Variants in NCR1 observed in about 807,000 individuals in gnomAD.
NCR1 encodes natural cytotoxicity triggering receptor 1, also known as NK cell-activating receptor.
NCR1 carries 30 observed loss-of-function variants against 32.5 expected under a neutral mutation model. The ratio of observed to expected loss-of-function variants is 0.92; its 90% CI spans 0.69 to 1.25. The LOEUF is 1.25. NCR1 is among the 50% of genes most tolerant of loss of function. The pLI is 0.00. For missense variants in NCR1, 369 were observed against 380.7 expected, an observed-to-expected ratio of 0.97 and a Z score of 0.26; for synonymous variants, 169 against 143.4, an observed-to-expected ratio of 1.18 and a Z score of -1.28.
At chr19:54,937,963 C>T in the NCR1 span, 3 of 988,300 alleles carry the variant, frequency 3.0e-6, no homozygotes, top group East Asian at 2.4e-5. Context: ...TGAAACAGCA[C>T]ATTTCCAAAT....
downstream of NCR1, among the ~76,000 whole-genome samples, chr19:54,916,317 C>CTTTTTTTTTTTTTTT (rs71181711): frequency 2.0e-4 from 17 of 87,106 alleles, 2 homozygotes; most frequent in East Asian, 2.8e-4. Flanking sequence ...GAATATTGTG[C>CTTTTTTTTTTTTTTT]TTTTTTTTTT....
At chr19:54,937,663 C>T in the NCR1 span, among the ~76,000 whole-genome samples, 4 of 151,916 alleles carry the variant, frequency 2.6e-5, no homozygotes, top group Non-Finnish European at 4.4e-5. Context: ...TTTGGAAGGC[C>T]GAGGCAGGCA....
the NCR1 span, chr19:54,927,884 G>A: frequency 1.1e-6 from 1 of 926,582 alleles, no homozygotes; most frequent in South Asian, 1.3e-5. Context: ...TTGAGGCCAG[G>A]TGTTCGAGAC....
upstream of NCR1, among the ~76,000 whole-genome samples, chr19:54,902,036 T>C (rs2067310399): frequency 6.6e-6 from 1 of 152,202 alleles, no homozygotes; most frequent in Admixed American, 6.5e-5. Context: ...CAAATATATG[T>C]CACTGGTAAA....
At chr19:54,912,300 C>G (rs1009856098) in intron 6 of NCR1, 82 bp downstream of exon 6, 5 of 1,400,120 alleles carry the variant, frequency 3.6e-6, no homozygotes, top group South Asian at 1.2e-5. Context: ...TAAATGGGAA[C>G]AAGAGGGTGT....
At chr19:54,905,732 A>C (rs764271850), upstream of NCR1, among the ~76,000 whole-genome samples, 4 of 152,118 alleles carry the variant, frequency 2.6e-5, no homozygotes, top group Non-Finnish European at 4.4e-5. Context: ...CTCGGGGGGA[A>C]CTGGGTTTTC....
At chr19:54,915,479 A>G (rs146056638), downstream of NCR1, among the ~76,000 whole-genome samples, 1,557 of 152,164 alleles carry the variant, frequency 0.01, 29 homozygotes, top group African/African-American at 0.036. Context: ...GTAAAACCCC[A>G]TCTCTACTAA....
the NCR1 span, among the ~76,000 whole-genome samples, chr19:54,937,445 A>G: frequency 6.6e-6 from 1 of 151,618 alleles, no homozygotes; most frequent in African/African-American, 2.4e-5. Flanking sequence ...TAATCCCAGC[A>G]CTTTCGAAGA....
At chr19:54,913,248 G>A (rs570600912), downstream of NCR1, 33 of 160,036 alleles carry the variant, frequency 2.1e-4, no homozygotes, top group Non-Finnish European at 3.3e-4. Flanking sequence ...TAGTGGAGAC[G>A]GGGTTTCTCC....
chr19:54,910,735 A>G (rs587668215), intron 5 of NCR1, among the ~76,000 whole-genome samples: 1 of 152,314 alleles, frequency 6.6e-6, no homozygotes, highest in Non-Finnish European at 1.5e-5. Context: ...GATAGCACAC[A>G]GGAGGGAATG....
Position 54,910,011 on chromosome 19 carries a change from T to C in NCR1, c.635-7T>C. On this transcript the variant is annotated splice_region_variant and splice_polypyrimidine_tract_variant and intron_variant, in intron 4 of 6. Transcript: ENST00000291890. ...CCTTACTTTTTTTTCTTTATCTCCTTTTCCAGGCGACATTGAGAACACCAG... is the reference window on the plus strand; with the variant it reads ...CCTTACTTTTTTTTCTTTATCTCCTCTTCCAGGCGACATTGAGAACACCAG... 1 of 1,613,124 alleles carries C rather than the reference T, an allele frequency of 6.2e-7. No homozygotes were observed. The highest frequency in any genetic ancestry group is 8.5e-7 in the Non-Finnish European group (1 of 1,179,664).
downstream of NCR1, among the ~76,000 whole-genome samples, chr19:54,918,980 C>CT (rs1421627685): frequency 8.0e-6 from 1 of 125,302 alleles, no homozygotes; most frequent in Non-Finnish European, 1.6e-5. Context: ...GCAAAACTGT[C>CT]TTAAAAAAAA....
At chr19:54,903,378 GTATGTATATACATA>G (rs1556716480), upstream of NCR1, among the ~76,000 whole-genome samples, 2 of 122,724 alleles carry the variant, frequency 1.6e-5, no homozygotes, top group African/African-American at 7.1e-5. Context: ...ATATATACAT[GTATGTATATACATA>G]TATGTATATG....
intron 2 of NCR1, 54 bp downstream of exon 2, chr19:54,906,388 C>T: frequency 6.2e-7 from 1 of 1,607,806 alleles, no homozygotes. Flanking sequence ...GGCCAAGCTC[C>T]TTCCACCCAA....
the NCR1 span, chr19:54,933,633 C>A: frequency 6.2e-7 from 1 of 1,614,160 alleles, no homozygotes; most frequent in Non-Finnish European, 8.5e-7. Context: ...ACCCCTGTAT[C>A]CCCAATGGGG....
the NCR1 span, chr19:54,936,286 G>A: frequency 6.2e-7 from 1 of 1,613,760 alleles, no homozygotes; most frequent in Non-Finnish European, 8.5e-7. Flanking sequence ...TTGCATTTAT[G>A]ATTTCTGAGC....
the NCR1 span, among the ~76,000 whole-genome samples, chr19:54,898,493 C>T: frequency 6.6e-6 from 1 of 152,174 alleles, no homozygotes; most frequent in Non-Finnish European, 1.5e-5. Flanking sequence ...AAATATGTTG[C>T]TATTTGGCTG....
downstream of NCR1, among the ~76,000 whole-genome samples, chr19:54,918,982 TAAAAAA>T (rs34795470): frequency 1.5e-5 from 2 of 134,188 alleles, no homozygotes; most frequent in Non-Finnish European, 3.3e-5. Context: ...AAAACTGTCT[TAAAAAA>T]AAAAAAAAAA....
At chr19:54,919,670 G>A (rs2068204304), downstream of NCR1, among the ~76,000 whole-genome samples, 1 of 151,518 alleles carries the variant, frequency 6.6e-6, no homozygotes, top group Non-Finnish European at 1.5e-5. Context: ...TCCACAAGAG[G>A]TGGAGGAGCA....
Sources: gnomAD v4.1 joint callset for allele counts (sites outside exome capture counted in the v4.1 genomes callset) on GRCh38, gnomAD v4.1.1 for gene constraint, MANE v1.5 for transcripts, NCBI Gene and HGNC (gene_info 2026-07-23, HGNC 2026-07-21) for gene names.